Variants in AP1AR observed in about 807,000 individuals in gnomAD.
The protein encoded by AP1AR is adaptor related protein complex 1 associated regulatory protein, also known as AP-1 complex-associated regulatory protein.
In AP1AR, 29 loss-of-function variants were observed where a neutral mutation model predicts 46.3. The observed-to-expected ratio is 0.63, with a 90% CI of 0.47 to 0.85. The LOEUF (loss-of-function observed/expected upper bound fraction) is 0.85. Among genes scored for constraint, AP1AR ranks in the 40% least tolerant of loss-of-function variants. The pLI is 0.00. For missense variants in AP1AR, 357 were observed against 356.3 expected, an observed-to-expected ratio of 1.00 and a Z score of -0.02; for synonymous variants, 122 against 122.9, an observed-to-expected ratio of 0.99 and a Z score of 0.05.
In AP1AR at chr4:112,269,030, A is replaced by G. The variant is rs1578425653; in HGVS notation, c.*621A>G. On this transcript the variant is annotated 3_prime_UTR_variant, in exon 10 of 10. Coordinates refer to ENST00000274000, the MANE Select transcript of AP1AR (RefSeq NM_018569.6). ...ATTCAATCTGAACAAAAGATAATATAAAAATAACCCTTCAGAGTTTGGACA... is the reference window on the plus strand; with the variant it reads ...ATTCAATCTGAACAAAAGATAATATGAAAATAACCCTTCAGAGTTTGGACA... 1.3e-5 allele frequency: 2 copies of G among 151,522 alleles called. No individual in the cohort carries two copies. Among genetic ancestry groups the G allele is most frequent in the Middle Eastern group, 6.8e-3 (2 of 292 alleles). 9.4% of individuals were successfully genotyped at this position (151,522 alleles called of 1,614,324 possible). A position where few individuals can be genotyped will look rare whatever the true frequency, so the allele number is the denominator to read the frequency against.
At chr4:112,238,385 T>C (rs1725343270) in intron 1 of AP1AR, among the ~76,000 whole-genome samples, 1 of 151,898 alleles carries the variant, frequency 6.6e-6, no homozygotes, top group Middle Eastern at 3.2e-3. Flanking sequence ...ACCAGTTTTA[T>C]ATTGACTCAC....
At chr4:112,265,230 T>C in intron 7 of AP1AR, 163 bp downstream of exon 7, 1 of 550,222 alleles carries the variant, frequency 1.8e-6, no homozygotes, top group Non-Finnish European at 3.2e-6. Context: ...CTGAGAACAT[T>C]TAAGTTGAAA....
intron 9 of AP1AR, 128 bp from the exon 10 acceptor site, chr4:112,268,015 TG>T: frequency 1.1e-6 from 1 of 896,440 alleles, no homozygotes; most frequent in Non-Finnish European, 1.6e-6. Flanking sequence ...TCCATGGGAC[TG>T]GGTCTTTAAG....
At chr4:112,234,309 G>A (rs938281368) in intron 1 of AP1AR, among the ~76,000 whole-genome samples, 4 of 152,136 alleles carry the variant, frequency 2.6e-5, no homozygotes, top group African/African-American at 9.7e-5. Context: ...TAACATGTTG[G>A]CACTCAAAAA....
chr4:112,234,926 C>T (rs900584548), intron 1 of AP1AR, among the ~76,000 whole-genome samples: 1 of 152,096 alleles, frequency 6.6e-6, no homozygotes, highest in Non-Finnish European at 1.5e-5. Context: ...AAAATCAGAT[C>T]ACTCGTTTTT....
chr4:112,245,317 T>A (rs137948102), intron 1 of AP1AR, among the ~76,000 whole-genome samples: 1 of 152,284 alleles, frequency 6.6e-6, no homozygotes, highest in East Asian at 1.9e-4. Context: ...CACTTTTAGA[T>A]TCCAGGCTAC....
chr4:112,232,387 G>A (rs1725051481), intron 1 of AP1AR, among the ~76,000 whole-genome samples: 1 of 152,232 alleles, frequency 6.6e-6, no homozygotes, highest in Admixed American at 6.5e-5. Context: ...AAGAGGGGGC[G>A]GGGTGTCCCT....
intron 4 of AP1AR, among the ~76,000 whole-genome samples, chr4:112,259,719 A>G (rs892245867): frequency 6.6e-6 from 1 of 152,200 alleles, no homozygotes; most frequent in Non-Finnish European, 1.5e-5. Context: ...GTACTAATTG[A>G]TAGAACAAGG....
intron 1 of AP1AR, among the ~76,000 whole-genome samples, chr4:112,251,551 C>T (rs768133405): frequency 1.3e-5 from 2 of 152,192 alleles, no homozygotes; most frequent in Non-Finnish European, 2.9e-5. Context: ...CTGTACCACT[C>T]ACTAACCTGG....
At chr4:112,232,979 A>G (rs908847229) in intron 1 of AP1AR, among the ~76,000 whole-genome samples, 1 of 152,158 alleles carries the variant, frequency 6.6e-6, no homozygotes, top group African/African-American at 2.4e-5. Context: ...TTTCATATAT[A>G]TTGAAAAAAT....
chr4:112,234,806 G>A (rs937803249), intron 1 of AP1AR, among the ~76,000 whole-genome samples: 2 of 152,056 alleles, frequency 1.3e-5, no homozygotes, highest in Non-Finnish European at 2.9e-5. Flanking sequence ...CAAAAGAAGA[G>A]GGTGTCCTCA....
intron 1 of AP1AR, among the ~76,000 whole-genome samples, chr4:112,243,721 CTTTT>C (rs758860185): frequency 3.3e-5 from 5 of 150,726 alleles, no homozygotes; most frequent in Non-Finnish European, 7.4e-5. Flanking sequence ...CTTTTTTTTT[CTTTT>C]TCTTTTACAA....
chr4:112,242,658 A>T (rs1321094140), intron 1 of AP1AR, among the ~76,000 whole-genome samples: 1 of 152,160 alleles, frequency 6.6e-6, no homozygotes, highest in Non-Finnish European at 1.5e-5. Flanking sequence ...ACTCACTCAT[A>T]ACCATGAGGA....
chr4:112,244,105 T>C (rs1408849722), intron 1 of AP1AR, among the ~76,000 whole-genome samples: 1 of 152,182 alleles, frequency 6.6e-6, no homozygotes, highest in Admixed American at 6.5e-5. Context: ...TAGTAATCAA[T>C]AATAGATGTG....
intron 4 of AP1AR, among the ~76,000 whole-genome samples, chr4:112,259,891 C>T (rs1324810157): frequency 3.3e-5 from 5 of 151,988 alleles, no homozygotes; most frequent in Admixed American, 2.0e-4. Context: ...GGGGTTGCCA[C>T]AAAGTTGGGG....
intron 1 of AP1AR, among the ~76,000 whole-genome samples, chr4:112,238,538 A>T (rs1725350503): frequency 6.6e-6 from 1 of 152,196 alleles, no homozygotes; most frequent in South Asian, 2.1e-4. Flanking sequence ...GTTTTGAAAA[A>T]ATATAAAAGT....
chr4:112,257,389 A>G (rs767721866), intron 3 of AP1AR, among the ~76,000 whole-genome samples: 6 of 152,194 alleles, frequency 3.9e-5, no homozygotes, highest in Admixed American at 6.5e-5. Flanking sequence ...CAAATTTGCA[A>G]ATATAGAAAC....
chr4:112,242,125 C>T (rs1324321355), intron 1 of AP1AR, among the ~76,000 whole-genome samples: 2 of 152,170 alleles, frequency 1.3e-5, no homozygotes, highest in African/African-American at 4.8e-5. Context: ...TGAGTATTTG[C>T]CTGCTATGCA....
At chr4:112,238,940 TTG>T (rs1367775945) in intron 1 of AP1AR, among the ~76,000 whole-genome samples, 1 of 152,204 alleles carries the variant, frequency 6.6e-6, no homozygotes, top group Non-Finnish European at 1.5e-5. Context: ...GTTCCCTACC[TTG>T]TGAGTGGTAT....
Sources: allele counts gnomAD v4.1 joint callset (sites outside exome capture counted in the v4.1 genomes callset), GRCh38; gene constraint gnomAD v4.1.1; transcripts MANE v1.5; gene names NCBI Gene and HGNC (gene_info 2026-07-23, HGNC 2026-07-21).